The following GPHN variants were observed in gnomAD, a reference collection of about 807,000 sequenced individuals.
GPHN encodes the protein gephyrin.
A neutral mutation model predicts 95.5 loss-of-function variants in GPHN; 17 were observed. That is an observed-to-expected ratio of 0.18 (90% CI 0.12 to 0.27). The LOEUF is 0.27. Ranked by LOEUF, GPHN falls within the 10% of genes least tolerant of loss-of-function variation. GPHN has a pLI of 1.00. For synonymous variants in GPHN, 320 were observed against 322.5 expected (o/e 0.99, Z 0.08); for missense variants, 660 against 978.1 (o/e 0.67, Z 4.34).
intron 10 of GPHN, among the ~76,000 whole-genome samples, chr14:67,026,635 T>G (rs575395687): frequency 3.4e-4 from 51 of 151,986 alleles, no homozygotes; most frequent in South Asian, 3.4e-3. Flanking sequence ...CCACATTTTT[T>G]TTTGTTTGTT....
At chr14:67,535,370 CTTTTTTTTTT>C in the GPHN span, among the ~76,000 whole-genome samples, 53 of 74,226 alleles carry the variant, frequency 7.1e-4, no homozygotes, top group South Asian at 0.029. Flanking sequence ...GTGAGCACAT[CTTTTTTTTTT>C]TTTTTTTTTT....
chr14:67,611,933 G>A, the GPHN span, among the ~76,000 whole-genome samples: 1 of 152,238 alleles, frequency 6.6e-6, no homozygotes, highest in East Asian at 1.9e-4. Flanking sequence ...CAACTAAACG[G>A]TCCCATCCAT....
At chr14:67,162,078 A>G (rs2082011463) in intron 19 of GPHN, among the ~76,000 whole-genome samples, 1 of 151,800 alleles carries the variant, frequency 6.6e-6, no homozygotes, top group Admixed American at 6.6e-5. Context: ...TCCAGAGCTT[A>G]AAAAAAAATT....
At chr14:67,687,571 A>G in the GPHN span, among the ~76,000 whole-genome samples, 1 of 149,270 alleles carries the variant, frequency 6.7e-6, no homozygotes, top group Non-Finnish European at 1.5e-5. Context: ...TCCCAGGTTC[A>G]AGCAATTCTC....
At chr14:66,920,268 T>C (rs1354672011) in intron 6 of GPHN, among the ~76,000 whole-genome samples, 1 of 152,118 alleles carries the variant, frequency 6.6e-6, no homozygotes, top group Non-Finnish European at 1.5e-5. Flanking sequence ...ATTAAATGTG[T>C]GTATGTGAGT....
intron 12 of GPHN, among the ~76,000 whole-genome samples, chr14:67,097,664 AC>A (rs2077468660): frequency 6.6e-6 from 1 of 152,158 alleles, no homozygotes; most frequent in African/African-American, 2.4e-5. Context: ...TAGCTCAGGT[AC>A]TTTAATTATA....
chr14:67,300,698 C>T, the GPHN span, among the ~76,000 whole-genome samples: 2 of 151,982 alleles, frequency 1.3e-5, no homozygotes, highest in African/African-American at 4.8e-5. Flanking sequence ...GATAAGGAAA[C>T]AGGCTAAAAA....
chr14:67,315,182 C>T, the GPHN span, among the ~76,000 whole-genome samples: 3 of 151,152 alleles, frequency 2.0e-5, no homozygotes, highest in African/African-American at 7.3e-5. Flanking sequence ...CACAGAAGTA[C>T]ATCATTGTAA....
At chr14:67,290,827 G>T in the GPHN span, among the ~76,000 whole-genome samples, 5,221 of 152,222 alleles carry the variant, frequency 0.034, 112 homozygotes, top group East Asian at 0.06. Context: ...GAGCCACTGC[G>T]CCTGGCCAGG....
At position 67,180,904 on chromosome 14, in the gene GPHN, G is replaced by A. The variant is rs2083294992; in HGVS notation, c.2277G>A (p.Glu759=). 1 of 1,613,998 alleles carries A rather than the reference G, an allele frequency of 6.2e-7. No individual in the cohort carries two copies. Among genetic ancestry groups the A allele is most frequent in the Non-Finnish European group, 8.5e-7 (1 of 1,179,928 alleles). Residue 759 remains glutamate (E), a synonymous_variant, in exon 23 of 23, where the codon GAG becomes GAA. Transcript: ENST00000478722. ...TEQYVELHKG[E]VVDVMVIGRL is the part of the protein sequence containing the mutation. ...AGTACGTGGAGCTCCACAAAGGCGA[G>A]GTGGTGGATGTCATGGTCATTGGAC...
chr14:67,073,735 A>G (rs1057426919), intron 11 of GPHN, among the ~76,000 whole-genome samples: 4 of 152,164 alleles, frequency 2.6e-5, no homozygotes, highest in Non-Finnish European at 5.9e-5. Context: ...ATAACCTTAC[A>G]TAAAGCTTAT....
At chr14:66,915,651 A>C (rs1335933683) in intron 5 of GPHN, among the ~76,000 whole-genome samples, 1 of 152,306 alleles carries the variant, frequency 6.6e-6, no homozygotes, top group African/African-American at 2.4e-5. Flanking sequence ...CATAAATATC[A>C]CTAGGCATTT....
intron 1 of GPHN, among the ~76,000 whole-genome samples, chr14:66,637,554 C>T (rs1056872903): frequency 1.3e-5 from 2 of 152,000 alleles, no homozygotes; most frequent in Non-Finnish European, 2.9e-5. Context: ...CTTTGAGTTT[C>T]AGGAAGTTAA....
the GPHN span, chr14:67,592,271 C>G: frequency 2.5e-6 from 1 of 399,440 alleles, no homozygotes; most frequent in Non-Finnish European, 4.8e-6. Flanking sequence ...CTCATCTCTA[C>G]TAAAAATAAA....
the GPHN span, chr14:67,692,678 T>TA: frequency 6.8e-7 from 1 of 1,461,824 alleles, no homozygotes; most frequent in East Asian, 2.3e-5. Context: ...AACATTTTTT[T>TA]AAAAAACACA....
chr14:67,680,532 C>A, the GPHN span, among the ~76,000 whole-genome samples: 3 of 152,164 alleles, frequency 2.0e-5, no homozygotes, highest in Non-Finnish European at 4.4e-5. Flanking sequence ...GGTGTGATCG[C>A]AGCTCACTAC....
At chr14:66,852,407 G>T (rs115229233) in intron 4 of GPHN, among the ~76,000 whole-genome samples, 1 of 152,222 alleles carries the variant, frequency 6.6e-6, no homozygotes, top group South Asian at 2.1e-4. Context: ...GCGTGCGCGT[G>T]TTCACCTGTG....
At chr14:67,359,774 G>T in the GPHN span, 1 of 1,551,520 alleles carries the variant, frequency 6.4e-7, no homozygotes, top group African/African-American at 1.4e-5. Flanking sequence ...GGCCTCCACA[G>T]TGTCTTCCTC....
chr14:66,540,032 T>C (rs1480650625), intron 1 of GPHN, among the ~76,000 whole-genome samples: 1 of 152,228 alleles, frequency 6.6e-6, no homozygotes, highest in Non-Finnish European at 1.5e-5. Context: ...ACACAATGTA[T>C]TGTGTACTTC....
Sources: allele counts gnomAD v4.1 joint callset (sites outside exome capture counted in the v4.1 genomes callset), GRCh38; gene constraint gnomAD v4.1.1; transcripts MANE v1.5; gene names NCBI Gene and HGNC (gene_info 2026-07-23, HGNC 2026-07-21).